ACYP2: variants seen among roughly 807,000 people sequenced by gnomAD.
The protein encoded by ACYP2 is acylphosphatase-2.
ACYP2 carries 12 observed loss-of-function variants against 11.2 expected under a neutral mutation model. The observed-to-expected ratio is 1.08, with a 90% confidence interval of 0.69 to 1.74. The LOEUF (loss-of-function observed/expected upper bound fraction) is 1.74. ACYP2 is among the 40% of genes most tolerant of loss of function. ACYP2 has a pLI of 0.00. For synonymous variants in ACYP2, 43 were observed against 32.2 expected (o/e 1.33, Z -1.13); for missense variants, 134 against 101.9 (o/e 1.31, Z -1.35).
intron 4 of ACYP2, among the ~76,000 whole-genome samples, chr2:54,113,027 T>C (rs1327318359): frequency 6.6e-6 from 1 of 152,192 alleles, no homozygotes. Context: ...TCCGTTGTTA[T>C]CTGCAGGGGA....
chr2:54,276,309 T>A (rs62140463), intron 6 of ACYP2, among the ~76,000 whole-genome samples: 68 of 152,198 alleles, frequency 4.5e-4, no homozygotes, highest in Admixed American at 2.4e-3. Flanking sequence ...TCCATGTTGT[T>A]AGTGTAGGTA....
chr2:54,250,552 G>C (rs959380887), intron 6 of ACYP2, among the ~76,000 whole-genome samples: 16 of 152,178 alleles, frequency 1.1e-4, no homozygotes, highest in African/African-American at 3.9e-4. Context: ...TGTGCCACTG[G>C]AAAACAGGGC....
intron 4 of ACYP2, among the ~76,000 whole-genome samples, chr2:54,067,499 A>G (rs1676807886): frequency 6.6e-6 from 1 of 152,232 alleles, no homozygotes; most frequent in Non-Finnish European, 1.5e-5. Context: ...TAAATTTAGC[A>G]GATAATGTTG....
At chr2:54,198,227 T>C (rs1727501) in intron 6 of ACYP2, among the ~76,000 whole-genome samples, 52,907 of 151,862 alleles carry the variant, frequency 0.35, 10,103 homozygotes, top group African/African-American at 0.51. Flanking sequence ...GTTGGCCAGG[T>C]TGGTCTCAAA....
intron 4 of ACYP2, among the ~76,000 whole-genome samples, chr2:54,071,611 G>A (rs978268348): frequency 2.0e-5 from 3 of 151,990 alleles, no homozygotes; most frequent in African/African-American, 7.3e-5. Flanking sequence ...GACTACAGGT[G>A]TGCACCACCA....
At chr2:53,976,120 T>A (rs1214827127) in intron 2 of ACYP2, among the ~76,000 whole-genome samples, 2 of 152,242 alleles carry the variant, frequency 1.3e-5, no homozygotes, top group Non-Finnish European at 2.9e-5. Flanking sequence ...TAGTGTCACA[T>A]CTTGCCCATC....
chr2:54,015,642 C>T (rs1558473016), intron 2 of ACYP2, among the ~76,000 whole-genome samples: 1 of 121,044 alleles, frequency 8.3e-6, no homozygotes, highest in Non-Finnish European at 1.7e-5. Context: ...GAGTGAGACC[C>T]CGTCACACAC....
At chr2:54,005,924 A>G (rs565212154) in intron 2 of ACYP2, among the ~76,000 whole-genome samples, 91 of 152,174 alleles carry the variant, frequency 6.0e-4, no homozygotes, top group Non-Finnish European at 1.2e-3. Context: ...GAAAGAACTG[A>G]CATCCTGATA....
At chr2:54,263,261 C>T (rs1375445282) in intron 6 of ACYP2, among the ~76,000 whole-genome samples, 1 of 152,102 alleles carries the variant, frequency 6.6e-6, no homozygotes, top group East Asian at 1.9e-4. Context: ...AGGTGCCACA[C>T]ACTTAAGTGA....
intron 4 of ACYP2, among the ~76,000 whole-genome samples, chr2:54,088,817 A>C (rs1678079512): frequency 6.6e-6 from 1 of 152,202 alleles, no homozygotes; most frequent in Non-Finnish European, 1.5e-5. Flanking sequence ...ATTCCCACTT[A>C]GTATATCAGA....
intron 6 of ACYP2, among the ~76,000 whole-genome samples, chr2:54,189,037 AT>A (rs886179142): frequency 2.6e-5 from 4 of 152,210 alleles, no homozygotes; most frequent in African/African-American, 7.2e-5. Flanking sequence ...CTCTTTCACA[AT>A]TTTTTAAACC....
At chr2:54,177,995 C>G (rs1683541379) in intron 6 of ACYP2, among the ~76,000 whole-genome samples, 1 of 150,930 alleles carries the variant, frequency 6.6e-6, no homozygotes, top group South Asian at 2.1e-4. Context: ...AACTCTACCT[C>G]CCAGATTCAA....
chr2:54,247,911 G>A (rs1031522684), intron 6 of ACYP2, among the ~76,000 whole-genome samples: 10 of 152,162 alleles, frequency 6.6e-5, no homozygotes, highest in African/African-American at 2.4e-4. Context: ...CTGCAGAATG[G>A]GGACAGAAAT....
At chr2:54,150,430 T>A (rs1558571000) in intron 6 of ACYP2, among the ~76,000 whole-genome samples, 1 of 152,202 alleles carries the variant, frequency 6.6e-6, no homozygotes, top group Non-Finnish European at 1.5e-5. Flanking sequence ...GTTTGTTTGT[T>A]TGTTTTTTAA....
intron 1 of ACYP2, among the ~76,000 whole-genome samples, chr2:53,972,306 G>A (rs1458466838): frequency 2.2e-5 from 3 of 135,382 alleles, no homozygotes; most frequent in Non-Finnish European, 4.6e-5. Flanking sequence ...GCGAAACTCC[G>A]TCTCAAAAAA....
chr2:53,983,247 T>C (rs947507415), intron 2 of ACYP2, among the ~76,000 whole-genome samples: 9 of 152,198 alleles, frequency 5.9e-5, no homozygotes, highest in African/African-American at 1.7e-4. Context: ...GGCTCACGTC[T>C]GTAATCCCAG....
chr2:54,138,744 T>A lies in ACYP2; in HGVS notation c.400T>A (p.Ser134Thr). Residue 134 changes from serine (S) to threonine (T), a missense_variant, in exon 6 of 7, where the codon TCC becomes ACC. By Grantham distance (58) the Ser-to-Thr change is moderately conservative. Coordinates refer to ENST00000607452, the MANE Select transcript of ACYP2 (RefSeq NM_001320586.2). ...GCAGGGGCCAGAAGACAAAGTCAATTCCATGTGAGTAGTAAAATTAATAAC... is the reference window on the plus strand; with the variant it reads ...GCAGGGGCCAGAAGACAAAGTCAATACCATGTGAGTAGTAAAATTAATAAC... 6.2e-7 allele frequency: 1 copy of A among 1,606,768 alleles called. No individual in the cohort carries two copies. Among genetic ancestry groups the A allele is most frequent in the Non-Finnish European group, 8.5e-7 (1 of 1,177,580 alleles).
chr2:54,150,621 C>T (rs1682111447), intron 6 of ACYP2, among the ~76,000 whole-genome samples: 2 of 151,940 alleles, frequency 1.3e-5, no homozygotes, highest in Admixed American at 1.3e-4. Context: ...GGGGTTTCAC[C>T]ATGTTGTCCA....
chr2:54,031,027 G>A (rs1429722995), intron 2 of ACYP2, among the ~76,000 whole-genome samples: 1 of 152,188 alleles, frequency 6.6e-6, no homozygotes, highest in Non-Finnish European at 1.5e-5. Flanking sequence ...AAGCAGTAAG[G>A]GGCGCAGACA....
Sources: gnomAD v4.1 joint callset for allele counts (sites outside exome capture counted in the v4.1 genomes callset) on GRCh38, gnomAD v4.1.1 for gene constraint, MANE v1.5 for transcripts, NCBI Gene and HGNC (gene_info 2026-07-23, HGNC 2026-07-21) for gene names.